Variants in MICU2 observed in about 807,000 individuals in gnomAD.
MICU2 encodes calcium uptake protein 2, mitochondrial.
In MICU2, 64 loss-of-function variants were observed where a neutral mutation model predicts 60.4. That is an observed-to-expected ratio of 1.06 (90% CI 0.87 to 1.31). MICU2 has a LOEUF of 1.31. Among genes scored for constraint, MICU2 ranks in the 50% most tolerant of loss-of-function variants. The pLI is 0.00. For missense variants in MICU2, 569 were observed against 531.0 expected, an observed-to-expected ratio of 1.07 and a Z score of -0.70; for synonymous variants, 201 against 175.0, an observed-to-expected ratio of 1.15 and a Z score of -1.17.
intron 4 of MICU2, among the ~76,000 whole-genome samples, chr13:21,532,185 A>G (rs112870189): frequency 4.6e-5 from 7 of 152,362 alleles, no homozygotes; most frequent in African/African-American, 1.7e-4. Context: ...CTATCTGAAG[A>G]GTCAAAACTA....
intron 1 of MICU2, 87 bp downstream of exon 1, chr13:21,603,852 C>A: frequency 3.5e-6 from 5 of 1,428,794 alleles, no homozygotes; most frequent in Non-Finnish European, 4.8e-6. Context: ...TCCGGGAGAG[C>A]CGCCCAGAGC....
chr13:21,550,769 A>G (rs1258245461), intron 2 of MICU2, among the ~76,000 whole-genome samples: 1 of 140,350 alleles, frequency 7.1e-6, no homozygotes, highest in East Asian at 2.1e-4. Flanking sequence ...CTTTACTTGT[A>G]TTATTGAATC....
chr13:21,580,070 T>C (rs910320911), intron 1 of MICU2, among the ~76,000 whole-genome samples: 1 of 152,226 alleles, frequency 6.6e-6, no homozygotes, highest in Non-Finnish European at 1.5e-5. Context: ...AGGGTCACTT[T>C]TCTCCTTCAA....
At chr13:21,531,593 T>C (rs1443118739) in intron 4 of MICU2, among the ~76,000 whole-genome samples, 1 of 152,326 alleles carries the variant, frequency 6.6e-6, no homozygotes, top group Middle Eastern at 3.4e-3. Context: ...CAACATGTAA[T>C]CAAATCCCTT....
chr13:21,586,798 C>T (rs528817089), intron 1 of MICU2, among the ~76,000 whole-genome samples: 25 of 152,232 alleles, frequency 1.6e-4, no homozygotes, highest in South Asian at 6.2e-4. Flanking sequence ...TTCTAACTTG[C>T]GCAGCATTTT....
At chr13:21,602,148 ACTGAAGAAGGGTTT>A (rs1237063907) in intron 1 of MICU2, among the ~76,000 whole-genome samples, 1 of 151,938 alleles carries the variant, frequency 6.6e-6, no homozygotes, top group Non-Finnish European at 1.5e-5. Context: ...AAAATGAGAC[ACTGAAGAAGGGTTT>A]CTGAAGAAGG....
chr13:21,517,801 GCGCGCGCGCGCGCACA>G (rs1566144865), intron 6 of MICU2, among the ~76,000 whole-genome samples: 7 of 65,718 alleles, frequency 1.1e-4, no homozygotes, highest in Admixed American at 6.6e-4. Context: ...ACACACACAC[GCGCGCGCGCGCGCACA>G]CGCGCTACAT....
intron 4 of MICU2, among the ~76,000 whole-genome samples, chr13:21,526,426 T>G (rs1471685262): frequency 6.6e-6 from 1 of 152,130 alleles, no homozygotes; most frequent in African/African-American, 2.4e-5. Context: ...TTCCTCTACC[T>G]TCTGTATTTT....
In MICU2 at chr13:21,493,345, T is replaced by C. The variant is rs762908813; in HGVS notation, c.1209A>G (p.Gln403=). 1 of 1,601,888 alleles carries C rather than the reference T, an allele frequency of 6.2e-7. No homozygotes were observed. Among genetic ancestry groups the C allele is most frequent in the Non-Finnish European group, 8.5e-7 (1 of 1,175,628 alleles). ...NRMHRGLWVP[Q]HQSIQEYWKC... is the part of the protein sequence containing the mutation. The stretch of plus-strand genomic sequence containing the variant: ...TCCAGTATTCTTGTATACTCTGATG[T>C]TGTGGTACCTGTTAACCGAAAGTAA... Residue 403 remains glutamine, a synonymous_variant, in exon 12 of 12, where the codon CAA becomes CAG. Transcript: ENST00000382374.
chr13:21,556,179 TCTTATAAAGGTCACCAATAAC>T (rs760829706), intron 2 of MICU2, among the ~76,000 whole-genome samples: 3 of 152,194 alleles, frequency 2.0e-5, no homozygotes, highest in Non-Finnish European at 2.9e-5. Flanking sequence ...CCAAAACTGT[TCTTATAAAGGTCACCAATAAC>T]CCTCATATTG....
chr13:21,530,730 C>T (rs2138180645), intron 4 of MICU2: 3 of 486,096 alleles, frequency 6.2e-6, no homozygotes, highest in South Asian at 2.6e-5. Flanking sequence ...GGTGGCGAGC[C>T]CAGACAGCCA....
intron 2 of MICU2, among the ~76,000 whole-genome samples, chr13:21,564,766 A>G (rs546607932): frequency 1.3e-5 from 2 of 152,264 alleles, no homozygotes; most frequent in East Asian, 1.9e-4. Context: ...TTCCCTCCCA[A>G]TGAGGAAGAG....
At position 21,492,954 on chromosome 13, in the gene MICU2, A is replaced by ATATC. The variant is rs1273431186; in HGVS notation, c.*291_*294dup. On this transcript the variant is annotated 3_prime_UTR_variant, in exon 12 of 12. Coordinates refer to ENST00000382374, the MANE Select transcript of MICU2 (RefSeq NM_152726.3). ...TATTTGTTTTATCCTTCCAGAAAGC[A>ATATC]TATCATATTAGAGTGTCTAAGAAAT... The ATATC allele has an allele frequency of 1.1e-5, 2 of 185,700 alleles. No homozygotes were observed. The highest frequency in any genetic ancestry group is 4.7e-5 in the African/African-American group (2 of 42,448). 11.5% of individuals were successfully genotyped at this position (185,700 alleles called of 1,614,324 possible).
chr13:21,531,727 A>G (rs1164606887), intron 4 of MICU2, among the ~76,000 whole-genome samples: 1 of 152,212 alleles, frequency 6.6e-6, no homozygotes, highest in Admixed American at 6.5e-5. Context: ...AATACAATAC[A>G]GTGGTTCCAT....
intron 7 of MICU2, among the ~76,000 whole-genome samples, chr13:21,510,823 TTTAA>T (rs570795412): frequency 1.2e-4 from 17 of 147,228 alleles, no homozygotes; most frequent in African/African-American, 3.8e-4. Flanking sequence ...AATGAATTCA[TTTAA>T]TTCATTCATT....
intron 4 of MICU2, among the ~76,000 whole-genome samples, chr13:21,529,134 GGAGAA>G (rs1311325427): frequency 6.6e-6 from 1 of 152,144 alleles, no homozygotes; most frequent in Non-Finnish European, 1.5e-5. Flanking sequence ...CTAGAGGTAG[GGAGAA>G]GAGAAGATGA....
At chr13:21,558,304 C>T (rs1205566692) in intron 2 of MICU2, among the ~76,000 whole-genome samples, 2 of 152,140 alleles carry the variant, frequency 1.3e-5, no homozygotes, top group Non-Finnish European at 2.9e-5. Context: ...CTTGACCATA[C>T]CAAGATGTTA....
chr13:21,550,997 C>A (rs922387712), intron 2 of MICU2, among the ~76,000 whole-genome samples: 2 of 152,200 alleles, frequency 1.3e-5, no homozygotes, highest in African/African-American at 4.8e-5. Flanking sequence ...TGGACTCCAA[C>A]TATCCTTTGA....
At chr13:21,540,342 A>T (rs1377292082) in intron 2 of MICU2, among the ~76,000 whole-genome samples, 1 of 152,102 alleles carries the variant, frequency 6.6e-6, no homozygotes, top group African/African-American at 2.4e-5. Flanking sequence ...GCCTCAAATC[A>T]TTTTAAACAT....
Sources: allele counts gnomAD v4.1 joint callset (sites outside exome capture counted in the v4.1 genomes callset), GRCh38; gene constraint gnomAD v4.1.1; transcripts MANE v1.5; gene names NCBI Gene and HGNC (gene_info 2026-07-23, HGNC 2026-07-21).